PKHD1: variants seen among roughly 807,000 people sequenced by gnomAD.
PKHD1 encodes the protein PKHD1 ciliary IPT domain containing fibrocystin/polyductin.
PKHD1 carries 291 observed loss-of-function variants against 412.0 expected under a neutral mutation model. The observed-to-expected ratio is 0.71, with a 90% CI of 0.64 to 0.78. The LOEUF (loss-of-function observed/expected upper bound fraction) is 0.78, where lower values mean the gene tolerates loss of function less well. Ranked by LOEUF, PKHD1 falls within the 30% of genes least tolerant of loss-of-function variation. PKHD1 has a pLI of 0.00. For synonymous variants in PKHD1, 1,777 were observed against 1,821.5 expected (o/e 0.98, Z 0.62); for missense variants, 4,825 against 4,950.7 (o/e 0.97, Z 0.76).
chr6:52,005,303 T>C lies in PKHD1; in HGVS notation c.5751+5006A>G, dbSNP rs1400726594. Among the ~76,000 whole-genome samples the C allele has an allele frequency of 2.0e-5, 3 of 152,222 alleles. 1 individual carries two copies. The highest frequency in any genetic ancestry group is 7.2e-5 in the African/African-American group (3 of 41,458). On this transcript the variant is annotated intron_variant, in intron 35 of 66. Coordinates refer to ENST00000371117, the MANE Select transcript of PKHD1 (RefSeq NM_138694.4). ...TAATGTGACTATAGCTCACCTTTGA[T>C]CAGTCACTGACTCCTTGGGGATTAC...
chr6:52,019,166 A>T lies in PKHD1; in HGVS notation c.5381-1537T>A, dbSNP rs573473675. Among the ~76,000 whole-genome samples, 53 of 152,302 alleles carry T rather than the reference A, an allele frequency of 3.5e-4. No individual in the cohort carries two copies. The East Asian group carries it at 4.1e-3, about 12-fold the overall frequency. On this transcript the variant is annotated intron_variant, in intron 33 of 66. Coordinates refer to ENST00000371117, the MANE Select transcript of PKHD1 (RefSeq NM_138694.4). ...AAACCTTAATAAAGAGGGAAAATTT[A>T]AAAAAATCTCTGTAGCCTGCTTCCT...
intron 35 of PKHD1, among the ~76,000 whole-genome samples, chr6:51,976,963 A>AC (rs1217652581): frequency 2.0e-5 from 3 of 151,544 alleles, no homozygotes; most frequent in African/African-American, 7.3e-5. Flanking sequence ...AAAAAAAAAA[A>AC]ACCTGAAAAA....
chr6:51,719,345 T>C (rs533384573), intron 60 of PKHD1, among the ~76,000 whole-genome samples: 8 of 152,138 alleles, frequency 5.3e-5, no homozygotes, highest in Non-Finnish European at 1.0e-4. Flanking sequence ...ATCCTTCTTA[T>C]GGTCAAAAAG....
intron 54 of PKHD1, among the ~76,000 whole-genome samples, chr6:51,773,987 G>C (rs1354181513): frequency 6.6e-6 from 1 of 151,824 alleles, no homozygotes; most frequent in African/African-American, 2.4e-5. Flanking sequence ...TATTTCATAA[G>C]ACATCATCAT....
At chr6:51,966,722 C>T (rs148356170) in intron 35 of PKHD1, among the ~76,000 whole-genome samples, 43 of 152,136 alleles carry the variant, frequency 2.8e-4, no homozygotes, top group African/African-American at 9.6e-4. Flanking sequence ...ACACCAGGCA[C>T]AAAACAAATT....
chr6:51,996,455 C>G (rs1192118381), intron 35 of PKHD1, among the ~76,000 whole-genome samples: 1 of 152,054 alleles, frequency 6.6e-6, no homozygotes, highest in African/African-American at 2.4e-5. Context: ...ATCAGCCATC[C>G]CCGTTGGGAG....
intron 37 of PKHD1, among the ~76,000 whole-genome samples, chr6:51,922,542 G>A (rs182742813): frequency 3.9e-4 from 60 of 152,338 alleles, no homozygotes; most frequent in African/African-American, 1.4e-3. Flanking sequence ...GCCCTGCCCC[G>A]AGAGGTAGAG....
intron 55 of PKHD1, among the ~76,000 whole-genome samples, chr6:51,772,378 A>G (rs1562277402): frequency 1.3e-5 from 2 of 151,948 alleles, no homozygotes; most frequent in Non-Finnish European, 1.5e-5. Flanking sequence ...CAGCTTAGAC[A>G]TAGTATTCTT....
At chr6:51,913,100 T>C (rs1783222749) in intron 37 of PKHD1, among the ~76,000 whole-genome samples, 1 of 152,140 alleles carries the variant, frequency 6.6e-6, no homozygotes, top group Non-Finnish European at 1.5e-5. Flanking sequence ...TGTTTGAGGA[T>C]GAAATTTTAC....
At chr6:51,975,420 T>C (rs771438205) in intron 35 of PKHD1, among the ~76,000 whole-genome samples, 6 of 151,970 alleles carry the variant, frequency 3.9e-5, no homozygotes, top group Non-Finnish European at 8.8e-5. Flanking sequence ...ATCCAGAATA[T>C]ACAAAGAACT....
intron 35 of PKHD1, among the ~76,000 whole-genome samples, chr6:51,995,379 C>G (rs1034518811): frequency 6.6e-6 from 1 of 152,232 alleles, no homozygotes; most frequent in East Asian, 1.9e-4. Context: ...GTTTGGCACT[C>G]AAGATTGTAC....
chr6:51,797,448 G>T (rs1349913232), intron 52 of PKHD1, among the ~76,000 whole-genome samples: 2 of 152,142 alleles, frequency 1.3e-5, no homozygotes, highest in African/African-American at 2.4e-5. Flanking sequence ...CTCTTAGAAG[G>T]TCTCTAAGAA....
chr6:51,934,287 C>T lies in PKHD1; in HGVS notation c.5944G>A (p.Glu1982Lys), dbSNP rs760283175. Residue 1982 changes from glutamate to lysine, a missense_variant, in exon 37 of 67, where the codon GAG becomes AAG. By Grantham distance (56) the Glu-to-Lys change is moderately conservative (BLOSUM62 1). Transcript: ENST00000371117. ...KLIFMAPGPI[E>K]LRAHAILVSD... ...ACAAGGATGGCGTGTGCCCTGAGCT[C>T]GATGGGTCCTGGGGCCATGAAAATC... 1.9e-6 allele frequency: 3 copies of T among 1,613,090 alleles called. No homozygotes were observed. The highest frequency in any genetic ancestry group is 1.7e-6 in the Non-Finnish European group (2 of 1,179,902).
chr6:51,767,691 C>T (rs1240822659), intron 55 of PKHD1, among the ~76,000 whole-genome samples: 1 of 151,774 alleles, frequency 6.6e-6, no homozygotes, highest in Non-Finnish European at 1.5e-5. Context: ...GTATATGTGC[C>T]ACGTTTTCTT....
chr6:51,678,408 A>G (rs939831649), intron 60 of PKHD1, among the ~76,000 whole-genome samples: 3 of 152,160 alleles, frequency 2.0e-5, no homozygotes, highest in African/African-American at 7.2e-5. Context: ...GCTACCTTCC[A>G]GTCTCCTTTT....
intron 57 of PKHD1, among the ~76,000 whole-genome samples, chr6:51,750,092 C>T (rs766814924): frequency 3.9e-5 from 6 of 152,068 alleles, no homozygotes; most frequent in Non-Finnish European, 8.8e-5. Flanking sequence ...AAACTAGAAC[C>T]CTTGCAAATC....
Position 51,771,738 on chromosome 6 carries a change from T to A in PKHD1, c.8642+964A>T, listed in dbSNP as rs566898921. On this transcript the variant is annotated intron_variant, in intron 55 of 66. Coordinates refer to ENST00000371117, the MANE Select transcript of PKHD1 (RefSeq NM_138694.4). ...AAATTTTATTTCTGTTCCCAAATTT[T>A]AAGTTTAGTTTAATCTCTTTATTTG... 1.6e-4 allele frequency among the ~76,000 whole-genome samples: 24 copies of A among 152,308 alleles called. No individual in the cohort carries two copies. The East Asian group carries it at 4.2e-3, about 27-fold the overall frequency.
intron 60 of PKHD1, among the ~76,000 whole-genome samples, chr6:51,732,336 C>T (rs551024287): frequency 1.0e-3 from 157 of 152,084 alleles, no homozygotes; most frequent in African/African-American, 3.7e-3. Flanking sequence ...ACTCTATCAA[C>T]AGAGTGAAAA....
intron 35 of PKHD1, among the ~76,000 whole-genome samples, chr6:51,985,561 T>C (rs1796098280): frequency 6.6e-6 from 1 of 152,102 alleles, no homozygotes; most frequent in Non-Finnish European, 1.5e-5. Context: ...AAACCCTGTC[T>C]GTACTAAAAA....
Sources: gnomAD v4.1 joint callset for allele counts (sites outside exome capture counted in the v4.1 genomes callset) on GRCh38, gnomAD v4.1.1 for gene constraint, MANE v1.5 for transcripts, NCBI Gene and HGNC (gene_info 2026-07-23, HGNC 2026-07-21) for gene names.